The following SHC4 variants were observed in gnomAD, a reference collection of about 807,000 sequenced individuals.
SHC4 encodes the protein SHC adaptor protein 4.
Under a neutral mutation model 69.4 loss-of-function variants are expected in SHC4, and 41 were observed. The observed-to-expected ratio is 0.59, with a 90% CI of 0.46 to 0.77. The LOEUF is 0.77. SHC4 is among the 30% of genes least tolerant of loss of function. SHC4 has a pLI of 0.00. For synonymous variants in SHC4, 318 were observed against 299.3 expected, an observed-to-expected ratio of 1.06 and a Z score of -0.64; for missense variants, 777 against 783.8, an observed-to-expected ratio of 0.99 and a Z score of 0.10.
intron 1 of SHC4, among the ~76,000 whole-genome samples, chr15:48,948,940 G>C (rs1349442591): frequency 6.6e-6 from 1 of 152,066 alleles, no homozygotes; most frequent in African/African-American, 2.4e-5. Context: ...CTCTCATCTA[G>C]ATGACTCTGC....
chr15:48,864,637 C>T (rs997906527), intron 6 of SHC4, among the ~76,000 whole-genome samples: 6 of 151,400 alleles, frequency 4.0e-5, no homozygotes, highest in Admixed American at 1.3e-4. Context: ...TTAGTAGAGA[C>T]GGGGTTTCAC....
intron 2 of SHC4, among the ~76,000 whole-genome samples, chr15:48,920,568 C>T (rs1900733203): frequency 6.6e-6 from 1 of 152,128 alleles, no homozygotes; most frequent in South Asian, 2.1e-4. Flanking sequence ...AGCCACCGCG[C>T]CCGGCCAGAG....
chr15:48,842,335 C>T (rs1595728554), intron 10 of SHC4, among the ~76,000 whole-genome samples: 1 of 152,162 alleles, frequency 6.6e-6, no homozygotes, highest in East Asian at 1.9e-4. Flanking sequence ...GAAACAGTAG[C>T]CACTGTGACT....
At chr15:48,933,966 C>T (rs1400689877) in intron 1 of SHC4, among the ~76,000 whole-genome samples, 1 of 151,992 alleles carries the variant, frequency 6.6e-6, no homozygotes. Flanking sequence ...AATATAAGAG[C>T]TAAAACTGTA....
At chr15:48,918,324 C>G (rs1310027992) in intron 2 of SHC4, among the ~76,000 whole-genome samples, 1 of 152,132 alleles carries the variant, frequency 6.6e-6, no homozygotes, top group East Asian at 1.9e-4. Context: ...CATTCTCTCA[C>G]CTTGACTTTA....
chr15:48,860,804 G>T (rs1313827487), intron 6 of SHC4, among the ~76,000 whole-genome samples: 7 of 152,332 alleles, frequency 4.6e-5, no homozygotes, highest in Admixed American at 4.6e-4. Context: ...ATGTGACCTT[G>T]AACAAGTCAC....
At chr15:48,829,730 C>T (rs1413970387) in intron 11 of SHC4, among the ~76,000 whole-genome samples, 1 of 152,122 alleles carries the variant, frequency 6.6e-6, no homozygotes, top group Admixed American at 6.5e-5. Flanking sequence ...ACCAGACTGG[C>T]GGACATGGTG....
intron 2 of SHC4, among the ~76,000 whole-genome samples, chr15:48,912,177 G>A (rs1339420220): frequency 1.3e-5 from 2 of 152,168 alleles, no homozygotes; most frequent in African/African-American, 2.4e-5. Flanking sequence ...CCCCAAATAT[G>A]TCTTCCAAGT....
chr15:48,834,631 T>C, intron 11 of SHC4, 138 bp downstream of exon 11: 1 of 1,279,756 alleles, frequency 7.8e-7, no homozygotes, highest in Non-Finnish European at 1.1e-6. Context: ...AGTTAGCATG[T>C]CCTGCTCCAG....
At chr15:48,896,608 C>A (rs1025281250) in intron 2 of SHC4, among the ~76,000 whole-genome samples, 1 of 152,172 alleles carries the variant, frequency 6.6e-6, no homozygotes, top group Non-Finnish European at 1.5e-5. Flanking sequence ...ACATGAGCCA[C>A]CGCGCCCAGC....
In SHC4 at chr15:48,940,587, G is replaced by T. The variant is rs148023638; in HGVS notation, c.586-15638C>A. ...AGTGTCAAAGGCCAAAATTTTTGTC[G>T]TCAGTTACCATGTCTGGTCAAAGTT... is the stretch of plus-strand genomic sequence containing the variant. On this transcript the variant is annotated intron_variant, in intron 1 of 11. Coordinates refer to ENST00000332408, the MANE Select transcript of SHC4 (RefSeq NM_203349.4). Among the ~76,000 whole-genome samples the T allele has an allele frequency of 2.0e-5, 3 of 152,070 alleles. No homozygotes were observed. The South Asian group carries it at 6.2e-4, about 31-fold the overall frequency.
chr15:48,882,728 G>A (rs984337356), intron 4 of SHC4, among the ~76,000 whole-genome samples: 1 of 152,134 alleles, frequency 6.6e-6, no homozygotes, highest in Non-Finnish European at 1.5e-5. Context: ...GAGATAACCC[G>A]AGGGCTCCTT....
intron 3 of SHC4, among the ~76,000 whole-genome samples, chr15:48,885,225 G>A (rs1025930397): frequency 3.3e-5 from 5 of 152,290 alleles, no homozygotes; most frequent in South Asian, 2.1e-4. Context: ...ACAGGGGGGC[G>A]AGAGGCTGGG....
intron 5 of SHC4, among the ~76,000 whole-genome samples, chr15:48,869,107 T>C (rs1486142973): frequency 6.6e-6 from 1 of 152,150 alleles, no homozygotes; most frequent in Non-Finnish European, 1.5e-5. Flanking sequence ...TGTAAACATT[T>C]GGGAGAATTT....
At chr15:48,953,329 A>G (rs1362253239) in intron 1 of SHC4, among the ~76,000 whole-genome samples, 1 of 152,270 alleles carries the variant, frequency 6.6e-6, no homozygotes, top group East Asian at 1.9e-4. Context: ...CAGGCTTAAT[A>G]CCTGAGTGAT....
At chr15:48,900,506 C>CAA (rs112780141) in intron 2 of SHC4, among the ~76,000 whole-genome samples, 59 of 111,108 alleles carry the variant, frequency 5.3e-4, no homozygotes, top group African/African-American at 1.8e-3. Flanking sequence ...GATTCCAACT[C>CAA]AAAAAAAAAA....
chr15:48,899,985 G>T lies in SHC4; in HGVS notation c.657-9174C>A, dbSNP rs140482274. ...CTTGGACTCGTTGCATTGAGTAACA[G>T]GTTCTGTGCTCTATAGCTTAGACCA... On this transcript the variant is annotated intron_variant, in intron 2 of 11. Transcript: ENST00000332408. Among the ~76,000 whole-genome samples the T allele has an allele frequency of 2.4e-3, 358 of 152,268 alleles. 2 individuals are homozygous for T. Among genetic ancestry groups the T allele is most frequent in the African/African-American group, 8.3e-3 (344 of 41,552 alleles).
intron 5 of SHC4, among the ~76,000 whole-genome samples, chr15:48,869,515 T>C (rs912472556): frequency 6.6e-6 from 1 of 152,228 alleles, no homozygotes; most frequent in Non-Finnish European, 1.5e-5. Flanking sequence ...AGTTACTTCT[T>C]GTGACTGTGT....
intron 10 of SHC4, among the ~76,000 whole-genome samples, chr15:48,842,958 A>G (rs1899021350): frequency 6.6e-6 from 1 of 152,054 alleles, no homozygotes; most frequent in Non-Finnish European, 1.5e-5. Flanking sequence ...AAGAAGATAA[A>G]TTCAAGCCCT....
Sources: gnomAD v4.1 joint callset for allele counts (sites outside exome capture counted in the v4.1 genomes callset) on GRCh38, gnomAD v4.1.1 for gene constraint, MANE v1.5 for transcripts, NCBI Gene and HGNC (gene_info 2026-07-23, HGNC 2026-07-21) for gene names.